The following PCDH7 variants were observed in gnomAD, a reference collection of about 807,000 sequenced individuals.
PCDH7 encodes the protein protocadherin-7.
Under a neutral mutation model 58.9 loss-of-function variants are expected in PCDH7, and 17 were observed. The ratio of observed to expected loss-of-function variants is 0.29; its 90% CI spans 0.20 to 0.43. The LOEUF is 0.43. PCDH7 is among the 20% of genes least tolerant of loss of function. The pLI is 1.00. For synonymous variants in PCDH7, 664 were observed against 616.4 expected (o/e 1.08, Z -1.14); for missense variants, 1,274 against 1,441.0 (o/e 0.88, Z 1.88).
chr4:31,092,666 T>C (rs911009498), intron 3 of PCDH7, among the ~76,000 whole-genome samples: 4 of 152,022 alleles, frequency 2.6e-5, no homozygotes, highest in African/African-American at 9.7e-5. Flanking sequence ...ATAGATGCAA[T>C]TTAAGAGCCT....
chr4:30,756,355 C>T (rs1028248452), intron 1 of PCDH7, among the ~76,000 whole-genome samples: 1 of 152,084 alleles, frequency 6.6e-6, no homozygotes, highest in East Asian at 1.9e-4. Flanking sequence ...CAAATTTCAA[C>T]ATGAGATTTG....
At chr4:30,933,056 C>A (rs1179664071) in intron 2 of PCDH7, among the ~76,000 whole-genome samples, 1 of 149,942 alleles carries the variant, frequency 6.7e-6, no homozygotes, top group Non-Finnish European at 1.5e-5. Flanking sequence ...GAGACAGAGT[C>A]TTGCTCTGTC....
chr4:31,137,484 T>C (rs1719746890), intron 3 of PCDH7, among the ~76,000 whole-genome samples: 1 of 152,162 alleles, frequency 6.6e-6, no homozygotes, highest in Non-Finnish European at 1.5e-5. Context: ...CTCAGGAGGC[T>C]GAGACATGAG....
intron 1 of PCDH7, among the ~76,000 whole-genome samples, chr4:30,829,401 A>G (rs768184670): frequency 1.2e-4 from 18 of 152,188 alleles, no homozygotes; most frequent in Non-Finnish European, 2.1e-4. Flanking sequence ...ATGTGATGTA[A>G]AATTAAATGA....
At chr4:31,072,746 A>G (rs1391718117) in intron 3 of PCDH7, among the ~76,000 whole-genome samples, 3 of 152,160 alleles carry the variant, frequency 2.0e-5, no homozygotes, top group Non-Finnish European at 4.4e-5. Flanking sequence ...GATGGCTGAC[A>G]TATTCACCCA....
At chr4:30,958,739 T>G (rs970338445) in intron 3 of PCDH7, among the ~76,000 whole-genome samples, 2 of 151,944 alleles carry the variant, frequency 1.3e-5, no homozygotes, top group Non-Finnish European at 2.9e-5. Flanking sequence ...TTTATCTAAA[T>G]TAACCAAGAA....
chr4:30,788,664 G>A (rs1723728087), intron 1 of PCDH7, among the ~76,000 whole-genome samples: 1 of 151,944 alleles, frequency 6.6e-6, no homozygotes, highest in Non-Finnish European at 1.5e-5. Flanking sequence ...ACAGCTTTAC[G>A]AATGGAGAGA....
chr4:31,086,694 A>G (rs1712485964), intron 3 of PCDH7, among the ~76,000 whole-genome samples: 1 of 152,210 alleles, frequency 6.6e-6, no homozygotes, highest in Admixed American at 6.5e-5. Flanking sequence ...ATCTGTGAAT[A>G]TAAATATGTA....
chr4:30,765,110 A>G (rs1374980311), intron 1 of PCDH7, among the ~76,000 whole-genome samples: 1 of 120,610 alleles, frequency 8.3e-6, no homozygotes, highest in Non-Finnish European at 1.7e-5. Context: ...GGAAAGAGAG[A>G]TAGGACTTCA....
Position 30,722,901 on chromosome 4 carries a change from G to C in PCDH7, c.1479G>C (p.Leu493=). 6.2e-7 allele frequency: 1 copy of C among 1,613,836 alleles called. No individual in the cohort carries two copies. The highest frequency in any genetic ancestry group is 8.5e-7 in the Non-Finnish European group (1 of 1,180,032). The change falls in exon 1 of 2, where the codon CTG becomes CTC. Residue 493 remains leucine, a synonymous_variant. Coordinates refer to ENST00000361762, the Ensembl canonical transcript of PCDH7. This position sits in a 1 kb window ranked among gnomAD's most constrained non-coding sequence, Gnocchi z 7.6. ...ACTTCTTGCACACCTCGACCCCTCTGGACTATGAGGCCACCCGGGAGTTCA... is the reference window on the plus strand; with the variant it reads ...ACTTCTTGCACACCTCGACCCCTCTCGACTATGAGGCCACCCGGGAGTTCA...
chr4:30,840,655 C>T (rs527396927), intron 1 of PCDH7, among the ~76,000 whole-genome samples: 52 of 152,228 alleles, frequency 3.4e-4, no homozygotes, highest in Non-Finnish European at 5.9e-4. Context: ...TCTCAAGTTA[C>T]AGGATTCTAC....
intron 3 of PCDH7, among the ~76,000 whole-genome samples, chr4:30,979,151 C>T (rs1244022735): frequency 6.6e-6 from 1 of 151,350 alleles, no homozygotes; most frequent in African/African-American, 2.4e-5. Flanking sequence ...ACAGTGAAAC[C>T]CTGTCTCTAC....
At chr4:30,803,006 A>C (rs1447416107) in intron 1 of PCDH7, among the ~76,000 whole-genome samples, 1 of 152,108 alleles carries the variant, frequency 6.6e-6, no homozygotes, top group African/African-American at 2.4e-5. Flanking sequence ...AATCAATTGC[A>C]CCCATGAAAG....
intron 3 of PCDH7, among the ~76,000 whole-genome samples, chr4:30,983,562 T>C (rs1750739811): frequency 1.3e-5 from 2 of 152,230 alleles, no homozygotes; most frequent in Non-Finnish European, 2.9e-5. Flanking sequence ...TGCATGATCA[T>C]TCATAGCTTT....
chr4:30,828,204 T>G (rs1729337258), intron 1 of PCDH7, among the ~76,000 whole-genome samples: 1 of 151,814 alleles, frequency 6.6e-6, no homozygotes, highest in Non-Finnish European at 1.5e-5. Flanking sequence ...ATAAAAAGTA[T>G]TTCAGGCAAT....
chr4:30,969,834 A>G (rs1221655964), intron 3 of PCDH7, among the ~76,000 whole-genome samples: 3 of 152,230 alleles, frequency 2.0e-5, no homozygotes, highest in Non-Finnish European at 4.4e-5. Flanking sequence ...GATCTCATCT[A>G]TAGCATCTAG....
At chr4:30,729,166 A>G (rs1437698628) in intron 1 of PCDH7, among the ~76,000 whole-genome samples, 1 of 151,960 alleles carries the variant, frequency 6.6e-6, no homozygotes, top group African/African-American at 2.4e-5. Context: ...AATGTGGACT[A>G]GAGTCCAAGT....
At chr4:30,843,322 C>T (rs1022371951) in intron 1 of PCDH7, among the ~76,000 whole-genome samples, 1 of 152,034 alleles carries the variant, frequency 6.6e-6, no homozygotes, top group Admixed American at 6.6e-5. Context: ...CTGCCTCTGC[C>T]GCTGGAGTAG....
At chr4:31,133,633 G>T (rs1719244358) in intron 3 of PCDH7, among the ~76,000 whole-genome samples, 1 of 152,130 alleles carries the variant, frequency 6.6e-6, no homozygotes, top group African/African-American at 2.4e-5. Flanking sequence ...CTCCGCATGG[G>T]TAAAGAGGAG....
Sources: allele counts gnomAD v4.1 joint callset (sites outside exome capture counted in the v4.1 genomes callset), GRCh38; gene constraint gnomAD v4.1.1; non-coding constraint Gnocchi (gnomAD v3.1); transcripts MANE v1.5; gene names NCBI Gene and HGNC (gene_info 2026-07-23, HGNC 2026-07-21).